Variants in RIMS4 observed in about 807,000 individuals in gnomAD.
RIMS4 encodes the protein regulating synaptic membrane exocytosis 4, also known as regulating synaptic membrane exocytosis protein 4.
Under a neutral mutation model 29.0 loss-of-function variants are expected in RIMS4, and 9 were observed. The ratio of observed to expected loss-of-function variants is 0.31; its 90% CI spans 0.19 to 0.54. The LOEUF (loss-of-function observed/expected upper bound fraction) is 0.54, where lower values mean the gene tolerates loss of function less well. Ranked by LOEUF, RIMS4 falls within the 20% of genes least tolerant of loss-of-function variation. RIMS4 has a pLI of 0.94. For missense variants in RIMS4, 193 were observed against 365.7 expected (o/e 0.53, Z 3.85); for synonymous variants, 130 against 152.9 (o/e 0.85, Z 1.10).
intron 1 of RIMS4, among the ~76,000 whole-genome samples, chr20:44,778,135 C>G (rs901170305): frequency 1.3e-5 from 2 of 152,214 alleles, no homozygotes; most frequent in African/African-American, 2.4e-5. Context: ...TGCAGATACT[C>G]AGGCCTCCAG....
At chr20:44,798,955 C>G (rs1052213368) in intron 1 of RIMS4, among the ~76,000 whole-genome samples, 6 of 152,214 alleles carry the variant, frequency 3.9e-5, no homozygotes, top group Non-Finnish European at 8.8e-5. Flanking sequence ...TTTCTGTATT[C>G]GTTACAAAAT....
At chr20:44,790,909 T>C (rs2083862879) in intron 1 of RIMS4, among the ~76,000 whole-genome samples, 1 of 152,246 alleles carries the variant, frequency 6.6e-6, no homozygotes, top group African/African-American at 2.4e-5. Flanking sequence ...TTATTTATTT[T>C]CTATAAGAAC....
intron 1 of RIMS4, among the ~76,000 whole-genome samples, chr20:44,798,273 G>T (rs758772898): frequency 1.3e-5 from 2 of 152,204 alleles, no homozygotes; most frequent in Admixed American, 6.5e-5. Context: ...ATTAAATACA[G>T]TACAGAATGC....
chr20:44,793,109 C>T (rs1438280015), intron 1 of RIMS4, among the ~76,000 whole-genome samples: 2 of 152,056 alleles, frequency 1.3e-5, no homozygotes, highest in Non-Finnish European at 1.5e-5. Flanking sequence ...GCCATATAAG[C>T]GCTGTGTCTG....
At chr20:44,805,044 A>G (rs1337252863) in intron 1 of RIMS4, among the ~76,000 whole-genome samples, 1 of 152,160 alleles carries the variant, frequency 6.6e-6, no homozygotes, top group African/African-American at 2.4e-5. Context: ...GCATGCCTGT[A>G]ATCTTAGCAC....
chr20:44,761,746 C>G (rs1325928042), intron 2 of RIMS4, among the ~76,000 whole-genome samples: 1 of 152,240 alleles, frequency 6.6e-6, no homozygotes, highest in African/African-American at 2.4e-5. Context: ...AGGGTCTGCT[C>G]TGGAAGAAGC....
At chr20:44,809,872 C>T (rs1390621132) in intron 1 of RIMS4, among the ~76,000 whole-genome samples, 1 of 151,906 alleles carries the variant, frequency 6.6e-6, no homozygotes. Context: ...GGTGGCAGGT[C>T]GGCTCCAGGG....
At chr20:44,808,077 T>A (rs1421398963) in intron 1 of RIMS4, among the ~76,000 whole-genome samples, 1 of 145,848 alleles carries the variant, frequency 6.9e-6, no homozygotes, top group African/African-American at 2.6e-5. Context: ...TATATATGTG[T>A]GTGTGTATAT....
intron 1 of RIMS4, among the ~76,000 whole-genome samples, chr20:44,788,379 C>A (rs891564360): frequency 6.6e-6 from 1 of 152,138 alleles, no homozygotes; most frequent in Non-Finnish European, 1.5e-5. Context: ...TATTGGGCAG[C>A]GCTGGGCTAG....
chr20:44,807,389 G>A (rs2080179161), intron 1 of RIMS4, among the ~76,000 whole-genome samples: 1 of 152,206 alleles, frequency 6.6e-6, no homozygotes, highest in Admixed American at 6.5e-5. Flanking sequence ...CATTTCTCAG[G>A]AAACTAGCAA....
intron 1 of RIMS4, among the ~76,000 whole-genome samples, chr20:44,780,531 C>T (rs1006654709): frequency 3.3e-5 from 5 of 152,212 alleles, no homozygotes; most frequent in African/African-American, 1.2e-4. Flanking sequence ...CACATAAAGA[C>T]AGGAATTTCC....
At chr20:44,764,480 T>G (rs565757112) in intron 2 of RIMS4, among the ~76,000 whole-genome samples, 1 of 152,230 alleles carries the variant, frequency 6.6e-6, no homozygotes, top group African/African-American at 2.4e-5. Context: ...AATACTACAA[T>G]AAAAATGGCA....
chr20:44,772,371 T>C (rs141924700), intron 1 of RIMS4, among the ~76,000 whole-genome samples: 3 of 152,298 alleles, frequency 2.0e-5, no homozygotes, highest in South Asian at 2.1e-4. Flanking sequence ...ATAAACTCCA[T>C]GAGGACAGGG....
At chr20:44,796,095 C>T (rs2066253793) in intron 1 of RIMS4, among the ~76,000 whole-genome samples, 1 of 151,562 alleles carries the variant, frequency 6.6e-6, no homozygotes, top group Admixed American at 6.6e-5. Flanking sequence ...CCCCTCCCCT[C>T]CCCTGCCGTG....
chr20:44,784,079 G>A (rs2066197164), intron 1 of RIMS4, among the ~76,000 whole-genome samples: 1 of 152,126 alleles, frequency 6.6e-6, no homozygotes, highest in Admixed American at 6.5e-5. Flanking sequence ...GAGGGTCAAG[G>A]AGCCCACAGG....
intron 1 of RIMS4, among the ~76,000 whole-genome samples, chr20:44,782,013 A>G (rs1568901434): frequency 6.6e-6 from 1 of 152,222 alleles, no homozygotes; most frequent in Non-Finnish European, 1.5e-5. Context: ...TCTTCTTAGG[A>G]GAACAGGCTC....
intron 1 of RIMS4, among the ~76,000 whole-genome samples, chr20:44,802,406 T>C (rs933472611): frequency 2.6e-4 from 39 of 152,306 alleles, no homozygotes; most frequent in African/African-American, 8.9e-4. Flanking sequence ...CCTACAGTCA[T>C]ACAATTTAGA....
At chr20:44,783,273 C>T (rs561156087) in intron 1 of RIMS4, among the ~76,000 whole-genome samples, 63 of 152,302 alleles carry the variant, frequency 4.1e-4, no homozygotes, top group African/African-American at 1.4e-3. Context: ...CATCCATGGA[C>T]GAATGAACAA....
At chr20:44,788,325 C>T (rs1367230990) in intron 1 of RIMS4, among the ~76,000 whole-genome samples, 1 of 152,200 alleles carries the variant, frequency 6.6e-6, no homozygotes, top group African/African-American at 2.4e-5. Context: ...GCTACAGTAT[C>T]GCACAGTGCA....
Sources: gnomAD v4.1 joint callset for allele counts (sites outside exome capture counted in the v4.1 genomes callset) on GRCh38, gnomAD v4.1.1 for gene constraint, MANE v1.5 for transcripts, NCBI Gene and HGNC (gene_info 2026-07-23, HGNC 2026-07-21) for gene names.